CENPE: variants seen among roughly 807,000 people sequenced by gnomAD.
CENPE encodes centromere protein E.
In CENPE, 145 loss-of-function variants were observed where a neutral mutation model predicts 336.1. That is an observed-to-expected ratio of 0.43 (90% CI 0.38 to 0.50). CENPE has a LOEUF of 0.50. Among genes scored for constraint, CENPE ranks in the 20% least tolerant of loss-of-function variants. The probability of loss-of-function intolerance (pLI) is 0.00; values close to 1 mark genes in which losing one functional copy is unlikely to be tolerated. For missense variants in CENPE, 2,719 were observed against 3,023.3 expected (o/e 0.90, Z 2.36); for synonymous variants, 1,013 against 984.8 (o/e 1.03, Z -0.54).
chr4:103,117,744 C>G (rs548445563), intron 44 of CENPE, among the ~76,000 whole-genome samples: 45 of 151,248 alleles, frequency 3.0e-4, no homozygotes, highest in African/African-American at 9.7e-4. Flanking sequence ...TCTCCTGCCT[C>G]AGTCCCCTGA....
chr4:103,194,804 A>G lies in CENPE; in HGVS notation c.478-120T>C, dbSNP rs111456402. ...AAAGTTAAAAGTGGCAAATGGAACC[A>G]TAATTCTGTAGGAATGTAACAAATA... On this transcript the variant is annotated intron_variant, in intron 5 of 48. Transcript: ENST00000265148. 4.5e-3 allele frequency: 3,088 copies of G among 685,998 alleles called. 53 individuals carry two copies. Among genetic ancestry groups the G allele is most frequent in the African/African-American group, 0.041 (2,203 of 54,192 alleles). 42.5% of individuals were successfully genotyped at this position (685,998 alleles called of 1,614,324 possible).
intron 46 of CENPE, among the ~76,000 whole-genome samples, chr4:103,111,614 T>C (rs993604481): frequency 4.6e-5 from 7 of 152,196 alleles, no homozygotes; most frequent in African/African-American, 2.4e-5. Context: ...AAAAGAGGGA[T>C]AGTGTGTGTG....
At chr4:103,123,888 A>G (rs1368783494) in intron 42 of CENPE, among the ~76,000 whole-genome samples, 1 of 152,210 alleles carries the variant, frequency 6.6e-6, no homozygotes, top group Non-Finnish European at 1.5e-5. Context: ...AGACTATATC[A>G]AAATGTCTAG....
At chr4:103,173,233 G>T (rs1187641478) in intron 16 of CENPE, among the ~76,000 whole-genome samples, 1 of 151,978 alleles carries the variant, frequency 6.6e-6, no homozygotes, top group Non-Finnish European at 1.5e-5. Flanking sequence ...TGACAAAAGT[G>T]CCAAGAACAT....
chr4:103,144,143 A>G (rs974493670), intron 33 of CENPE, among the ~76,000 whole-genome samples, 188 bp downstream of exon 33: 3 of 152,018 alleles, frequency 2.0e-5, no homozygotes, highest in African/African-American at 7.3e-5. Flanking sequence ...TCACCATGTT[A>G]GCCAGGATGG....
chr4:103,140,566 T>C (rs1237191605), intron 36 of CENPE, 152 bp from the exon 37 acceptor site: 1 of 675,394 alleles, frequency 1.5e-6, no homozygotes, highest in African/African-American at 1.9e-5. Context: ...TAAAGTAAAA[T>C]TTTCTGCTGG....
chr4:103,126,428 T>C (rs1040100833), intron 42 of CENPE, among the ~76,000 whole-genome samples: 1 of 152,084 alleles, frequency 6.6e-6, no homozygotes, highest in Non-Finnish European at 1.5e-5. Flanking sequence ...CAGGGAAATA[T>C]ACTCCGCCTG....
At chr4:103,188,320 A>G (rs1279859301) in intron 8 of CENPE, among the ~76,000 whole-genome samples, 4 of 152,176 alleles carry the variant, frequency 2.6e-5, no homozygotes, top group Non-Finnish European at 5.9e-5. Flanking sequence ...AGAACTCTCC[A>G]CCCCAAATCA....
chr4:103,161,553 T>G (rs1433168579), intron 18 of CENPE, 96 bp from the exon 19 acceptor site: 2 of 1,051,318 alleles, frequency 1.9e-6, no homozygotes, highest in East Asian at 5.5e-5. Flanking sequence ...CTCTAGCTAA[T>G]CAAAAAGCGT....
At chr4:103,120,541 G>A (rs1750532200) in intron 43 of CENPE, among the ~76,000 whole-genome samples, 1 of 152,032 alleles carries the variant, frequency 6.6e-6, no homozygotes, top group Admixed American at 6.6e-5. Context: ...AAATGTCAAA[G>A]GTTTATATTA....
chr4:103,143,422 A>T lies in CENPE; in HGVS notation c.5146-16T>A, dbSNP rs1308841819. On this transcript the variant is annotated splice_polypyrimidine_tract_variant and intron_variant, in intron 33 of 48. Transcript: ENST00000265148. ...TTTCTAGGTCCTTTATCAATAGAAAAATAAAAATAATACATTGAGAGTAGT... is the reference window on the plus strand; with the variant it reads ...TTTCTAGGTCCTTTATCAATAGAAATATAAAAATAATACATTGAGAGTAGT... The T allele has an allele frequency of 6.7e-7, 1 of 1,492,178 alleles. No individual in the cohort carries two copies. Among genetic ancestry groups the T allele is most frequent in the South Asian group, 1.1e-5 (1 of 87,314 alleles). 92.4% of individuals were successfully genotyped at this position (1,492,178 alleles called of 1,614,324 possible). A position where few individuals can be genotyped will look rare whatever the true frequency, so the allele number is the denominator to read the frequency against.
intron 43 of CENPE, among the ~76,000 whole-genome samples, chr4:103,122,646 C>T (rs960901199): frequency 6.6e-6 from 1 of 152,146 alleles, no homozygotes; most frequent in African/African-American, 2.4e-5. Flanking sequence ...ATGTAATAAT[C>T]AAATGAAGCT....
In CENPE at chr4:103,160,718, T is replaced by C. The variant is rs758162635; in HGVS notation, c.2193A>G (p.Lys731=). The part of the protein sequence containing the change: ...KITDLQKELN[K]EVEENEALRE... ...GCAAAGCTTCATTTTCTTCAACTTC[T>C]TTATTTAGTTCTTTCTGAAGATCAG... The change falls in exon 21 of 49, where the codon AAA becomes AAG. Residue 731 remains lysine, a synonymous_variant. Transcript: ENST00000265148. The C allele has an allele frequency of 6.8e-6, 11 of 1,609,840 alleles. No homozygotes were observed. The highest frequency in any genetic ancestry group is 4.4e-5 in the South Asian group (4 of 90,516).
intron 33 of CENPE, among the ~76,000 whole-genome samples, chr4:103,144,012 C>T (rs539065113): frequency 6.6e-6 from 1 of 152,128 alleles, no homozygotes; most frequent in East Asian, 1.9e-4. Flanking sequence ...TCTTGGCTCA[C>T]TGCAACCTCC....
rs11315612 is a variant in CENPE at position 103,163,608 on chromosome 4, C to CAAAAAAAAAAAAA, written c.1648-68_1648-56dup. The CAAAAAAAAAAAAA allele has an allele frequency of 6.2e-5, 19 of 304,450 alleles. 1 individual carries two copies. The highest frequency in any genetic ancestry group is 1.2e-4 in the African/African-American group (4 of 32,520). The allele number at this position is 304,450 out of a possible 1,614,324, so 18.9% of individuals were successfully genotyped here. On this transcript the variant is annotated intron_variant, in intron 16 of 48. Transcript: ENST00000265148. ...CAAACCAATAGTTAATAAAGCAAAG[C>CAAAAAAAAAAAAA]AAAAAAAAAAAAAAAAAGAAAAAGA...
chr4:103,194,748 A>C (rs1232354817), intron 5 of CENPE, 64 bp from the exon 6 acceptor site: 1 of 1,251,692 alleles, frequency 8.0e-7, no homozygotes, highest in East Asian at 2.4e-5. Flanking sequence ...TTTTCAAAAG[A>C]AGGTGCAAAC....
At position 103,133,887 on chromosome 4, in the gene CENPE, C is replaced by T. The variant is rs923256670; in HGVS notation, c.6528G>A (p.Val2176=). 2 of 1,562,618 alleles carry T rather than the reference C, an allele frequency of 1.3e-6. No homozygotes were observed. The highest frequency in any genetic ancestry group is 1.7e-6 in the Non-Finnish European group (2 of 1,147,174). ...FHRIMKKLKY[V]LSYVTKIKEE... ...CTTTTATTTTTGTAACATAGCTTAA[C>T]ACATACTTGCAGAAAAAAATTAAAC... Residue 2176 remains valine (V), a synonymous_variant, in exon 41 of 49, where the codon GTG becomes GTA. Transcript: ENST00000265148.
chr4:103,182,517 G>T (rs1424510926), intron 11 of CENPE, among the ~76,000 whole-genome samples: 1 of 152,134 alleles, frequency 6.6e-6, no homozygotes, highest in Non-Finnish European at 1.5e-5. Flanking sequence ...TACAAAAAGT[G>T]AGTTATTTTA....
chr4:103,111,014 G>A lies in CENPE; in HGVS notation c.7541-3C>T. The A allele has an allele frequency of 6.4e-7, 1 of 1,555,520 alleles. No homozygotes were observed. The highest frequency in any genetic ancestry group is 8.7e-7 in the Non-Finnish European group (1 of 1,153,968). ...AGGATCAGTATGTTCTGATATCACTGTGGGAGGAAAATATACAAATAGGTG... is the reference window on the plus strand; with the variant it reads ...AGGATCAGTATGTTCTGATATCACTATGGGAGGAAAATATACAAATAGGTG... On this transcript the variant is annotated splice_region_variant and splice_polypyrimidine_tract_variant and intron_variant, in intron 46 of 48. Coordinates refer to ENST00000265148, the MANE Select transcript of CENPE (RefSeq NM_001813.3).
Sources: gnomAD v4.1 joint callset for allele counts (sites outside exome capture counted in the v4.1 genomes callset) on GRCh38, gnomAD v4.1.1 for gene constraint, MANE v1.5 for transcripts, NCBI Gene and HGNC (gene_info 2026-07-23, HGNC 2026-07-21) for gene names.